NME7: variants seen among roughly 807,000 people sequenced by gnomAD.
The protein encoded by NME7 is NME/NM23 family member 7, also known as nucleoside diphosphate kinase 7.
Under a neutral mutation model 49.1 loss-of-function variants are expected in NME7, and 41 were observed. The ratio of observed to expected loss-of-function variants is 0.83; its 90% CI spans 0.65 to 1.08. The LOEUF is 1.08. Among genes scored for constraint, NME7 ranks in the 50% least tolerant of loss-of-function variants. NME7 has a pLI of 0.00. For synonymous variants in NME7, 139 were observed against 150.6 expected, an observed-to-expected ratio of 0.92 and a Z score of 0.56; for missense variants, 423 against 463.4, an observed-to-expected ratio of 0.91 and a Z score of 0.80.
intron 7 of NME7, among the ~76,000 whole-genome samples, chr1:169,244,757 T>C (rs1472788923): frequency 6.6e-6 from 1 of 152,190 alleles, no homozygotes; most frequent in African/African-American, 2.4e-5. Flanking sequence ...CATGTATCTA[T>C]ATCAAAAATA....
chr1:169,287,330 T>C lies in NME7; in HGVS notation c.727A>G (p.Ile243Val), dbSNP rs1650314641. The change falls in exon 7 of 12, where the codon ATT becomes GTT. Residue 243 changes from isoleucine (I) to valine (V), a missense_variant. Transcript: ENST00000367811. ...TAKFTNCTCC[I>V]VKPHAVSEGL... ...TCACTGACAGCATGGGGTTTAACAA[T>C]GCAACAGGTACAATTAGTAAATTTA... 4 of 1,612,324 alleles carry C rather than the reference T, an allele frequency of 2.5e-6. No homozygotes were observed. The highest frequency in any genetic ancestry group is 1.3e-5 in the African/African-American group (1 of 74,940).
chr1:169,175,824 CAA>C (rs1659733492), intron 10 of NME7, among the ~76,000 whole-genome samples: 1 of 152,090 alleles, frequency 6.6e-6, no homozygotes, highest in Non-Finnish European at 1.5e-5. Context: ...TAGTATAGCT[CAA>C]GTCCTAGTAA....
At chr1:169,325,987 C>A (rs959874351) in intron 1 of NME7, among the ~76,000 whole-genome samples, 10 of 151,610 alleles carry the variant, frequency 6.6e-5, no homozygotes, top group Non-Finnish European at 1.0e-4. Flanking sequence ...TTGTACTCAC[C>A]TACAAATAAA....
intron 6 of NME7, among the ~76,000 whole-genome samples, chr1:169,291,043 C>T (rs571754462): frequency 4.6e-5 from 7 of 152,200 alleles, no homozygotes; most frequent in South Asian, 2.1e-4. Flanking sequence ...GAAATAGAAA[C>T]GCTTTTACAC....
intron 8 of NME7, among the ~76,000 whole-genome samples, chr1:169,237,116 A>C (rs1647887349): frequency 6.6e-6 from 1 of 152,112 alleles, no homozygotes; most frequent in South Asian, 2.1e-4. Context: ...CTGAAGGTGC[A>C]GCGGTACAAG....
chr1:169,203,820 C>T (rs1660610083), intron 10 of NME7, among the ~76,000 whole-genome samples: 1 of 152,042 alleles, frequency 6.6e-6, no homozygotes, highest in Non-Finnish European at 1.5e-5. Flanking sequence ...TGAGATGTGT[C>T]TGATCCCGCA....
chr1:169,188,383 C>T (rs892671441), intron 10 of NME7, among the ~76,000 whole-genome samples: 1 of 152,186 alleles, frequency 6.6e-6, no homozygotes, highest in African/African-American at 2.4e-5. Context: ...ATGATCTATA[C>T]TACAGAGCTT....
intron 11 of NME7, among the ~76,000 whole-genome samples, chr1:169,167,377 A>G (rs1476023710): frequency 6.6e-6 from 1 of 152,132 alleles, no homozygotes; most frequent in Non-Finnish European, 1.5e-5. Context: ...AATAGATTTG[A>G]TCACATAAAA....
At chr1:169,245,616 T>A (rs1430478831) in intron 7 of NME7, among the ~76,000 whole-genome samples, 1 of 152,214 alleles carries the variant, frequency 6.6e-6, no homozygotes, top group Non-Finnish European at 1.5e-5. Flanking sequence ...AAAATAGACA[T>A]GTTTAATATT....
intron 7 of NME7, among the ~76,000 whole-genome samples, chr1:169,266,060 C>T (rs1187776458): frequency 7.6e-6 from 1 of 132,306 alleles, no homozygotes; most frequent in African/African-American, 2.6e-5. Context: ...ATCATTCCTA[C>T]AGAAGCTATT....
chr1:169,216,750 T>C (rs960618124), intron 10 of NME7, among the ~76,000 whole-genome samples: 1 of 152,154 alleles, frequency 6.6e-6, no homozygotes, highest in African/African-American at 2.4e-5. Context: ...AATGTAAGAA[T>C]TGAATTGAAT....
At position 169,274,170 on chromosome 1, in the gene NME7, A is replaced by G. The variant is rs1649606605; in HGVS notation, c.754+13133T>C. Among the ~76,000 whole-genome samples the G allele has an allele frequency of 1.5e-5, 2 of 132,758 alleles. 1 individual carries two copies. Among genetic ancestry groups the G allele is most frequent in the Admixed American group, 1.5e-4 (2 of 13,450 alleles). The allele number at this position is 132,758 out of a possible 152,430, so 87.1% of individuals were successfully genotyped here. On this transcript the variant is annotated intron_variant, in intron 7 of 11. Transcript: ENST00000367811. ...AATGATTGCCATTCTAACTGGTGTG[A>G]GATGGTATGTCATTGTGGTTTTGAT...
chr1:169,257,263 G>A lies in NME7; in HGVS notation c.755-19576C>T, dbSNP rs566132164. ...CAAGCCAGGTGCGGGATATAATCTC[G>A]TGGTGCGCCATTTTTTAAGCCTGTC... is the stretch of plus-strand genomic sequence containing the variant. On this transcript the variant is annotated intron_variant, in intron 7 of 11. Transcript: ENST00000367811. Among the ~76,000 whole-genome samples the A allele has an allele frequency of 1.9e-3, 259 of 134,752 alleles. 58 individuals are homozygous for A. In the Middle Eastern group the frequency reaches 0.038, roughly 20 times the overall value. 88.4% of individuals were successfully genotyped at this position (134,752 alleles called of 152,430 possible).
intron 10 of NME7, among the ~76,000 whole-genome samples, chr1:169,213,616 T>A (rs562829357): frequency 6.6e-6 from 1 of 152,256 alleles, no homozygotes; most frequent in Admixed American, 6.5e-5. Flanking sequence ...TACAGAATTA[T>A]AACCAACTAA....
At chr1:169,172,439 C>T (rs1398160269) in intron 10 of NME7, among the ~76,000 whole-genome samples, 4 of 151,828 alleles carry the variant, frequency 2.6e-5, no homozygotes, top group Admixed American at 2.6e-4. Context: ...ACAGTATCTC[C>T]TGTAAATTCC....
At chr1:169,172,810 A>T (rs1162495862) in intron 10 of NME7, among the ~76,000 whole-genome samples, 1 of 152,200 alleles carries the variant, frequency 6.6e-6, no homozygotes, top group Non-Finnish European at 1.5e-5. Flanking sequence ...CAATCAGAGT[A>T]ATCCTTGCTT....
At chr1:169,297,216 T>C (rs1230078281) in intron 6 of NME7, among the ~76,000 whole-genome samples, 1 of 152,034 alleles carries the variant, frequency 6.6e-6, no homozygotes, top group Non-Finnish European at 1.5e-5. Flanking sequence ...TCAAATGATC[T>C]GCCCGCCTTG....
At chr1:169,168,978 A>T in intron 11 of NME7, 2 of 437,828 alleles carry the variant, frequency 4.6e-6, no homozygotes, top group Non-Finnish European at 9.1e-6. Context: ...ATGTATTTTC[A>T]TGACTAGCAA....
intron 10 of NME7, among the ~76,000 whole-genome samples, chr1:169,207,877 C>CT (rs1312495829): frequency 2.0e-5 from 3 of 152,034 alleles, no homozygotes; most frequent in Non-Finnish European, 2.9e-5. Context: ...TCCTGTTTAT[C>CT]TTTTTTCTCT....
Sources: allele counts gnomAD v4.1 joint callset (sites outside exome capture counted in the v4.1 genomes callset), GRCh38; gene constraint gnomAD v4.1.1; transcripts MANE v1.5; gene names NCBI Gene and HGNC (gene_info 2026-07-23, HGNC 2026-07-21).